Variants in PRKG1 observed in about 807,000 individuals in gnomAD.
PRKG1 encodes protein kinase cGMP-dependent 1.
A neutral mutation model predicts 88.1 loss-of-function variants in PRKG1; 35 were observed. The ratio of observed to expected loss-of-function variants is 0.40; its 90% CI spans 0.30 to 0.53. The LOEUF (loss-of-function observed/expected upper bound fraction) is 0.53. PRKG1 is among the 20% of genes least tolerant of loss of function. The pLI is 0.59. For missense variants in PRKG1, 540 were observed against 839.8 expected, an observed-to-expected ratio of 0.64 and a Z score of 4.41; for synonymous variants, 303 against 292.5, an observed-to-expected ratio of 1.04 and a Z score of -0.37.
chr10:52,192,859 A>T (rs1186138777), intron 9 of PRKG1, among the ~76,000 whole-genome samples: 4 of 152,220 alleles, frequency 2.6e-5, no homozygotes, highest in African/African-American at 9.6e-5. Flanking sequence ...AAAACATAGT[A>T]AGCTGTAGAT....
intron 3 of PRKG1, among the ~76,000 whole-genome samples, chr10:51,626,133 A>G (rs956618043): frequency 1.3e-5 from 2 of 152,226 alleles, no homozygotes; most frequent in Admixed American, 1.3e-4. Flanking sequence ...TTATTGGTGT[A>G]TACAGTAGAA....
At chr10:51,116,887 G>T (rs1845135508) in intron 1 of PRKG1, among the ~76,000 whole-genome samples, 1 of 152,316 alleles carries the variant, frequency 6.6e-6, no homozygotes, top group South Asian at 2.1e-4. Flanking sequence ...TCTCTGTGCA[G>T]GATGAGTAGA....
chr10:51,618,077 G>T (rs2132256561), intron 3 of PRKG1, among the ~76,000 whole-genome samples: 1 of 152,226 alleles, frequency 6.6e-6, no homozygotes, highest in Non-Finnish European at 1.5e-5. Flanking sequence ...ATTGTGTTTT[G>T]TTTTTTGGTT....
At chr10:52,145,485 C>T (rs941973626) in intron 8 of PRKG1, among the ~76,000 whole-genome samples, 27 of 152,250 alleles carry the variant, frequency 1.8e-4, no homozygotes, top group African/African-American at 5.3e-4. Flanking sequence ...AATCTCTTTA[C>T]CTTTTTTATG....
Position 51,153,172 on chromosome 10 carries a change from A to G in PRKG1, c.320A>G (p.Asp107Gly), listed in dbSNP as rs1307728986. 1 of 1,611,526 alleles carries G rather than the reference A, an allele frequency of 6.2e-7. No individual in the cohort carries two copies. The highest frequency in any genetic ancestry group is 2.2e-5 in the East Asian group (1 of 44,830). The change falls in exon 2 of 18, where the codon GAT becomes GGT. Residue 107 changes from aspartate to glycine, a missense_variant. By Grantham distance (94) the Asp-to-Gly change is moderately conservative. Coordinates refer to ENST00000373980, the MANE Select transcript of PRKG1 (RefSeq NM_006258.4). Reference sequence around the variant, plus strand: ...TCCCTCTCTTGCCATAGGTCCAAGGATCTTATAAAGGAAGCTATCCTTGAC... The same window carrying G: ...TCCCTCTCTTGCCATAGGTCCAAGGGTCTTATAAAGGAAGCTATCCTTGAC... ...PFYPKSPQSKDLIKEAILDND... is the reference protein window; with the variant it reads ...PFYPKSPQSKGLIKEAILDND...
At chr10:51,247,212 A>G (rs947352740) in intron 2 of PRKG1, among the ~76,000 whole-genome samples, 2 of 152,018 alleles carry the variant, frequency 1.3e-5, no homozygotes, top group Admixed American at 6.6e-5. Flanking sequence ...TTAGAGCTCA[A>G]TTAGTTTTTG....
At chr10:51,283,436 G>A (rs1840353381) in intron 2 of PRKG1, among the ~76,000 whole-genome samples, 1 of 152,050 alleles carries the variant, frequency 6.6e-6, no homozygotes, top group South Asian at 2.1e-4. Flanking sequence ...TAGCTGAGCA[G>A]GCATACTATT....
At position 52,090,055 on chromosome 10, in the gene PRKG1, C is replaced by T. The variant is rs150782162; in HGVS notation, c.935+27424C>T. 2.6e-3 allele frequency among the ~76,000 whole-genome samples: 398 copies of T among 152,086 alleles called. 1 individual carries two copies. The highest frequency in any genetic ancestry group is 9.1e-3 in the African/African-American group (376 of 41,496). The stretch of plus-strand genomic sequence containing the variant: ...GTCTCGATCTCTTGACCTCGTGATC[C>T]ACCTGCCTTGCCCTCTCAAAGTGTT... On this transcript the variant is annotated intron_variant, in intron 7 of 17. Coordinates refer to ENST00000373980, the MANE Select transcript of PRKG1 (RefSeq NM_006258.4).
chr10:51,110,039 T>C (rs1431071436), intron 1 of PRKG1, among the ~76,000 whole-genome samples: 1 of 152,132 alleles, frequency 6.6e-6, no homozygotes, highest in Non-Finnish European at 1.5e-5. Context: ...GAATGATTAA[T>C]ATTAAAAGAA....
At position 51,639,162 on chromosome 10, in the gene PRKG1, C is replaced by T. The variant is rs373032115; in HGVS notation, c.593-165423C>T. Among the ~76,000 whole-genome samples, 10 of 151,710 alleles carry T rather than the reference C, an allele frequency of 6.6e-5. No individual in the cohort carries two copies. In the East Asian group the frequency reaches 9.7e-4, roughly 15 times the overall value. On this transcript the variant is annotated intron_variant, in intron 3 of 17. Coordinates refer to ENST00000373980, the MANE Select transcript of PRKG1 (RefSeq NM_006258.4). ...AAAACAAGACATGAGAGGCTGGGCACGGTGGCTCACACCTGTAATCTCAGC... is the reference window on the plus strand; with the variant it reads ...AAAACAAGACATGAGAGGCTGGGCATGGTGGCTCACACCTGTAATCTCAGC...
At chr10:51,551,531 T>TG (rs1319696354) in intron 3 of PRKG1, among the ~76,000 whole-genome samples, 1 of 151,784 alleles carries the variant, frequency 6.6e-6, no homozygotes, top group Non-Finnish European at 1.5e-5. Flanking sequence ...ACAGTATATG[T>TG]GTTTGTATGA....
chr10:51,747,961 T>G (rs1276561828), intron 3 of PRKG1, among the ~76,000 whole-genome samples: 3 of 152,172 alleles, frequency 2.0e-5, no homozygotes, highest in African/African-American at 7.2e-5. Context: ...GATTATAAAC[T>G]TGAGGCCAAG....
At chr10:51,274,009 T>C (rs1384391693) in intron 2 of PRKG1, among the ~76,000 whole-genome samples, 1 of 152,230 alleles carries the variant, frequency 6.6e-6, no homozygotes, top group Non-Finnish European at 1.5e-5. Flanking sequence ...TTTGCATCTA[T>C]TAATAATGCA....
At chr10:51,951,261 C>T (rs1025291960) in intron 5 of PRKG1, among the ~76,000 whole-genome samples, 4 of 152,104 alleles carry the variant, frequency 2.6e-5, no homozygotes, top group African/African-American at 9.7e-5. Context: ...TCAGTAGCAG[C>T]ATCTTATTAG....
intron 2 of PRKG1, among the ~76,000 whole-genome samples, chr10:51,350,756 A>G (rs922225422): frequency 6.6e-6 from 1 of 152,162 alleles, no homozygotes; most frequent in African/African-American, 2.4e-5. Flanking sequence ...ACATACAAAA[A>G]TCAGTAGCAT....
At chr10:51,137,548 C>T (rs934781646) in intron 1 of PRKG1, among the ~76,000 whole-genome samples, 2 of 152,100 alleles carry the variant, frequency 1.3e-5, no homozygotes, top group African/African-American at 4.8e-5. Flanking sequence ...AACTTGAATG[C>T]TATGACTCTG....
chr10:52,188,252 GTA>G lies in PRKG1; in HGVS notation c.1076+26298_1076+26299del, dbSNP rs1455628284. Among the ~76,000 whole-genome samples the G allele has an allele frequency of 1.5e-3, 3 of 1,976 alleles. 1 individual carries two copies. Among genetic ancestry groups the G allele is most frequent in the Admixed American group, 0.032 (2 of 62 alleles). 1.3% of individuals were successfully genotyped at this position (1,976 alleles called of 152,430 possible). A position where few individuals can be genotyped will look rare whatever the true frequency, so the allele number is the denominator to read the frequency against. On this transcript the variant is annotated intron_variant, in intron 9 of 17. Transcript: ENST00000373980. The stretch of plus-strand genomic sequence containing the variant: ...TATGTATATATATACATATATATGT[GTA>G]TATATATACATATGTATATATATAC...
At chr10:51,762,736 C>A (rs1156308603) in intron 3 of PRKG1, among the ~76,000 whole-genome samples, 1 of 152,182 alleles carries the variant, frequency 6.6e-6, no homozygotes, top group African/African-American at 2.4e-5. Flanking sequence ...TAATTATAAA[C>A]AATCCTTGCT....
intron 3 of PRKG1, among the ~76,000 whole-genome samples, chr10:51,701,673 T>C (rs1268521799): frequency 6.6e-6 from 1 of 152,228 alleles, no homozygotes; most frequent in African/African-American, 2.4e-5. Context: ...ATACCTTTTT[T>C]ATACACATTC....
Sources: allele counts gnomAD v4.1 joint callset (sites outside exome capture counted in the v4.1 genomes callset), GRCh38; gene constraint gnomAD v4.1.1; transcripts MANE v1.5; gene names NCBI Gene and HGNC (gene_info 2026-07-23, HGNC 2026-07-21).